The following LIPI variants were observed in gnomAD, a reference collection of about 807,000 sequenced individuals.
LIPI encodes lipase I, also known as lipase member I.
LIPI carries 59 observed loss-of-function variants against 50.6 expected under a neutral mutation model. The observed-to-expected ratio is 1.16, with a 90% confidence interval of 0.94 to 1.45. The LOEUF (loss-of-function observed/expected upper bound fraction) is 1.45, where lower values mean the gene tolerates loss of function less well. Ranked by LOEUF, LIPI falls within the 40% of genes most tolerant of loss-of-function variation. LIPI has a pLI of 0.00. For missense variants in LIPI, 586 were observed against 536.3 expected, an observed-to-expected ratio of 1.09 and a Z score of -0.92; for synonymous variants, 203 against 178.2, an observed-to-expected ratio of 1.14 and a Z score of -1.11.
At position 14,152,762 on chromosome 21, in the gene LIPI, A is replaced by G. The variant is rs181801777; in HGVS notation, c.1007-78T>C. ...TTGGTACATATTCAGATATATATAT[A>G]TGTGTATGTATAGATAGATATGTAA... On this transcript the variant is annotated intron_variant, in intron 7 of 9. Coordinates refer to ENST00000681601, the MANE Select transcript of LIPI (RefSeq NM_001302998.2). The G allele has an allele frequency of 4.4e-5, 30 of 679,796 alleles. No homozygotes were observed. The East Asian group carries it at 5.0e-4, about 11-fold the overall frequency. 42.1% of individuals were successfully genotyped at this position (679,796 alleles called of 1,614,324 possible).
At chr21:14,114,704 C>T (rs1401269280) in intron 9 of LIPI, among the ~76,000 whole-genome samples, 1 of 152,150 alleles carries the variant, frequency 6.6e-6, no homozygotes, top group Non-Finnish European at 1.5e-5. Flanking sequence ...CATGCAGATT[C>T]CCCTCAGAGA....
At chr21:14,182,441 G>A in intron 3 of LIPI, among the ~76,000 whole-genome samples, 1 of 152,222 alleles carries the variant, frequency 6.6e-6, no homozygotes, top group East Asian at 1.9e-4. Context: ...AAAATGCTAG[G>A]CTCATGACTT....
chr21:14,167,036 A>G (rs539171491), intron 4 of LIPI, among the ~76,000 whole-genome samples: 28 of 152,254 alleles, frequency 1.8e-4, no homozygotes, highest in Non-Finnish European at 4.0e-4. Context: ...GATGGGCTTA[A>G]AAAACGGCCC....
rs182165213 is a variant in LIPI at position 14,189,557 on chromosome 21, C to T, written c.47-138G>A. On this transcript the variant is annotated intron_variant, in intron 1 of 9. Transcript: ENST00000681601. ...CCCTTCAACATAATTTACTGAGCAA[C>T]TGCAATGTTGAAGGTAATGTATTAA... The T allele has an allele frequency of 3.4e-4, 249 of 725,998 alleles. No homozygotes were observed. The African/African-American group carries it at 3.9e-3, about 11-fold the overall frequency. 45.0% of individuals were successfully genotyped at this position (725,998 alleles called of 1,614,324 possible). A position where few individuals can be genotyped will look rare whatever the true frequency, so the allele number is the denominator to read the frequency against.
Position 14,181,841 on chromosome 21 carries a change from G to T in LIPI, c.560C>A (p.Pro187Gln), listed in dbSNP as rs758262537. Residue 187 changes from proline (P) to glutamine (Q), a missense_variant, in exon 4 of 10, where the codon CCA becomes CAA. By Grantham distance (76) the Pro-to-Gln change is moderately conservative (BLOSUM62 -1). Transcript: ENST00000681601. Reference protein sequence around the residue: ...GRITGLDPAGPRFSRKPPYSR... With the variant: ...GRITGLDPAGQRFSRKPPYSR... The stretch of plus-strand genomic sequence containing the variant: ...ATATGGTGGTTTTCTGGAGAACCTT[G>T]GCCCAGCAGGGTCAAGACCTGGAAA... The T allele has an allele frequency of 1.2e-6, 2 of 1,609,724 alleles. No homozygotes were observed. Among genetic ancestry groups the T allele is most frequent in the Non-Finnish European group, 1.7e-6 (2 of 1,176,582 alleles).
At chr21:14,177,788 C>T (rs908570419) in intron 4 of LIPI, among the ~76,000 whole-genome samples, 2 of 152,104 alleles carry the variant, frequency 1.3e-5, no homozygotes, top group African/African-American at 4.8e-5. Flanking sequence ...ATGCCATCAA[C>T]ATATGCTTAG....
chr21:14,170,763 G>T (rs2123189747), intron 4 of LIPI, among the ~76,000 whole-genome samples: 1 of 150,978 alleles, frequency 6.6e-6, no homozygotes, highest in South Asian at 2.1e-4. Flanking sequence ...ATATCATGCT[G>T]AATGGGCAAA....
At chr21:14,129,439 C>A (rs1349598206) in intron 9 of LIPI, among the ~76,000 whole-genome samples, 4 of 151,798 alleles carry the variant, frequency 2.6e-5, no homozygotes, top group African/African-American at 4.8e-5. Flanking sequence ...TTGTGTCCCA[C>A]AACAGTTAGT....
At chr21:14,139,970 A>T (rs2017644959) in intron 9 of LIPI, among the ~76,000 whole-genome samples, 1 of 152,136 alleles carries the variant, frequency 6.6e-6, no homozygotes. Context: ...TGGAGATACT[A>T]GTTAGGTCAT....
chr21:14,146,600 A>G (rs2017913244), intron 8 of LIPI, among the ~76,000 whole-genome samples: 1 of 152,072 alleles, frequency 6.6e-6, no homozygotes, highest in African/African-American at 2.4e-5. Context: ...TTTCCAAAAG[A>G]AAAATCCAAC....
chr21:14,129,730 T>C (rs2017208731), intron 9 of LIPI, among the ~76,000 whole-genome samples: 1 of 150,880 alleles, frequency 6.6e-6, no homozygotes. Flanking sequence ...CTTAATATGA[T>C]AGGTAAAATG....
chr21:14,154,837 C>T (rs1027036362), intron 7 of LIPI, among the ~76,000 whole-genome samples: 2 of 151,926 alleles, frequency 1.3e-5, no homozygotes, highest in Non-Finnish European at 1.5e-5. Context: ...AGGAACTGCC[C>T]GCTAAAATAA....
In LIPI at chr21:14,150,342, T is replaced by C. The variant is rs539041772; in HGVS notation, c.1118+2231A>G. On this transcript the variant is annotated intron_variant, in intron 8 of 9. Coordinates refer to ENST00000681601, the MANE Select transcript of LIPI (RefSeq NM_001302998.2). ...TACTCTCCTATCTCTAGGTTTTTGA[T>C]ACATGCTTTCTGTTCCCTGACTGTA... Among the ~76,000 whole-genome samples the C allele has an allele frequency of 8.5e-5, 13 of 152,330 alleles. No individual in the cohort carries two copies. In the South Asian group the frequency reaches 2.5e-3, roughly 29 times the overall value.
chr21:14,172,688 G>C (rs549204672), intron 4 of LIPI, among the ~76,000 whole-genome samples: 457 of 151,926 alleles, frequency 3.0e-3, no homozygotes, highest in Middle Eastern at 0.01. Context: ...GACACAAGAA[G>C]GGGAACATCA....
intron 4 of LIPI, among the ~76,000 whole-genome samples, chr21:14,172,274 G>A (rs2018941126): frequency 6.6e-6 from 1 of 152,030 alleles, no homozygotes; most frequent in African/African-American, 2.4e-5. Context: ...TGGTGGAACT[G>A]TAAACTAGTT....
chr21:14,203,339 T>C (rs1447837607), intron 1 of LIPI, among the ~76,000 whole-genome samples: 4 of 152,142 alleles, frequency 2.6e-5, no homozygotes, highest in African/African-American at 9.7e-5. Context: ...ACTGGGTATA[T>C]ACCCAAAGGA....
chr21:14,172,871 A>G (rs1167604241), intron 4 of LIPI, among the ~76,000 whole-genome samples: 4 of 152,160 alleles, frequency 2.6e-5, no homozygotes, highest in Admixed American at 2.6e-4. Flanking sequence ...TATAATAATA[A>G]TAAAATAAAA....
chr21:14,195,222 T>C (rs1021094234), intron 1 of LIPI, among the ~76,000 whole-genome samples: 4 of 151,972 alleles, frequency 2.6e-5, no homozygotes, highest in African/African-American at 9.7e-5. Context: ...TGCATAGGGG[T>C]CTCTTATATC....
chr21:14,182,603 C>T (rs908439799), intron 3 of LIPI, among the ~76,000 whole-genome samples: 1 of 152,260 alleles, frequency 6.6e-6, no homozygotes, highest in African/African-American at 2.4e-5. Context: ...TGAGTGAACT[C>T]CCATTCACAA....
Sources: allele counts gnomAD v4.1 joint callset (sites outside exome capture counted in the v4.1 genomes callset), GRCh38; gene constraint gnomAD v4.1.1; transcripts MANE v1.5; gene names NCBI Gene and HGNC (gene_info 2026-07-23, HGNC 2026-07-21).